The following FUT8 variants were observed in gnomAD, a reference collection of about 807,000 sequenced individuals.
The protein encoded by FUT8 is alpha-(1,6)-fucosyltransferase.
Under a neutral mutation model 71.3 loss-of-function variants are expected in FUT8, and 29 were observed. The ratio of observed to expected loss-of-function variants is 0.41; its 90% CI spans 0.30 to 0.55. The LOEUF (loss-of-function observed/expected upper bound fraction) is 0.55. Among genes scored for constraint, FUT8 ranks in the 20% least tolerant of loss-of-function variants. FUT8 has a pLI of 0.34. For missense variants in FUT8, 544 were observed against 702.1 expected, an observed-to-expected ratio of 0.77 and a Z score of 2.55; for synonymous variants, 254 against 239.3, an observed-to-expected ratio of 1.06 and a Z score of -0.57.
the FUT8 span, among the ~76,000 whole-genome samples, chr14:65,392,733 T>G: frequency 6.6e-6 from 1 of 152,190 alleles, no homozygotes; most frequent in Admixed American, 6.5e-5. Context: ...AATGGCAGTG[T>G]TTTTGGTGGA....
At chr14:65,739,282 G>A (rs1414194948) in intron 10 of FUT8, among the ~76,000 whole-genome samples, 1 of 151,936 alleles carries the variant, frequency 6.6e-6, no homozygotes, top group Non-Finnish European at 1.5e-5. Context: ...GTGTAGCACT[G>A]GTATGCTTGC....
intron 1 of FUT8, among the ~76,000 whole-genome samples, chr14:65,426,416 T>C (rs1380993425): frequency 6.6e-6 from 1 of 152,100 alleles, no homozygotes; most frequent in African/African-American, 2.4e-5. Flanking sequence ...ATACAAGTTT[T>C]ATGTGGCACA....
At chr14:65,511,435 C>G (rs545215881) in intron 2 of FUT8, among the ~76,000 whole-genome samples, 23 of 152,040 alleles carry the variant, frequency 1.5e-4, no homozygotes, top group African/African-American at 5.5e-4. Context: ...TCCGTTTGGT[C>G]TATTTCTTTG....
intron 2 of FUT8, among the ~76,000 whole-genome samples, chr14:65,553,859 GT>G (rs1176705620): frequency 2.7e-5 from 4 of 150,504 alleles, no homozygotes; most frequent in Non-Finnish European, 5.9e-5. Flanking sequence ...CTTTCAGTTT[GT>G]TTTTTAGCAG....
At chr14:65,565,763 A>T (rs1886161189) in intron 3 of FUT8, among the ~76,000 whole-genome samples, 1 of 151,810 alleles carries the variant, frequency 6.6e-6, no homozygotes, top group African/African-American at 2.4e-5. Context: ...AATGAATGAT[A>T]TTGGCCATTT....
intron 5 of FUT8, among the ~76,000 whole-genome samples, chr14:65,621,377 G>A (rs764606488): frequency 1.3e-5 from 2 of 151,732 alleles, no homozygotes; most frequent in African/African-American, 4.9e-5. Flanking sequence ...AGCCTCCTGA[G>A]TATCTGGAAC....
chr14:65,376,101 A>AAAT, the FUT8 span, among the ~76,000 whole-genome samples: 46 of 151,914 alleles, frequency 3.0e-4, no homozygotes, highest in Non-Finnish European at 6.2e-4. Flanking sequence ...AAAAAAAAAA[A>AAAT]AATAATAAAA....
At chr14:65,668,217 G>A (rs186371636) in intron 6 of FUT8, among the ~76,000 whole-genome samples, 111 of 152,144 alleles carry the variant, frequency 7.3e-4, no homozygotes, top group Admixed American at 1.7e-3. Context: ...ACAAAAATTG[G>A]CAAACAGAAC....
At chr14:65,681,114 C>T (rs1029973646) in intron 7 of FUT8, among the ~76,000 whole-genome samples, 7 of 152,180 alleles carry the variant, frequency 4.6e-5, no homozygotes, top group African/African-American at 2.4e-5. Context: ...TGTATTTAAA[C>T]AGTTCATGTT....
chr14:65,665,772 C>T (rs1292647937), intron 6 of FUT8, among the ~76,000 whole-genome samples: 1 of 152,072 alleles, frequency 6.6e-6, no homozygotes, highest in Non-Finnish European at 1.5e-5. Flanking sequence ...ATGAGGTCAT[C>T]TCCTTTGCAG....
At position 65,669,405 on chromosome 14, in the gene FUT8, G is replaced by A; in HGVS notation, c.760G>A (p.Gly254Arg). 2 of 1,613,736 alleles carry A rather than the reference G, an allele frequency of 1.2e-6. No individual in the cohort carries two copies. Among genetic ancestry groups the A allele is most frequent in the Non-Finnish European group, 1.7e-6 (2 of 1,179,810 alleles). Residue 254 changes from glycine (G) to arginine (R), a missense_variant, in exon 7 of 11, where the codon GGA (glycine) becomes AGA (arginine). Coordinates refer to ENST00000673929, the MANE Select transcript of FUT8 (RefSeq NM_001371533.1). The surrounding 1 kb of genome is among the most constrained non-coding windows in gnomAD (Gnocchi z 4.5). ...ESQNWRYATG[G>R]WETVFRPVSE... ...TCAGAATTGGCGCTATGCTACTGGT[G>A]GATGGGAGACTGTATTTAGGCCTGT...
At chr14:65,614,060 G>A (rs541580078) in intron 3 of FUT8, among the ~76,000 whole-genome samples, 2 of 148,396 alleles carry the variant, frequency 1.3e-5, no homozygotes, top group Admixed American at 6.8e-5. Context: ...GTTGTGGCAA[G>A]CCAAGATCCC....
At chr14:65,636,424 G>GGT (rs1186040614) in intron 6 of FUT8, 2 of 151,896 alleles carry the variant, frequency 1.3e-5, no homozygotes, top group African/African-American at 4.8e-5. Flanking sequence ...AGTTCCTTGA[G>GGT]GTGTGACCTC....
intron 6 of FUT8, among the ~76,000 whole-genome samples, chr14:65,663,635 G>A (rs2140356047): frequency 6.6e-6 from 1 of 152,054 alleles, no homozygotes; most frequent in Non-Finnish European, 1.5e-5. Flanking sequence ...TACCTTATAT[G>A]TATAGACCTT....
chr14:65,635,127 A>C (rs932922911), intron 6 of FUT8, among the ~76,000 whole-genome samples: 1 of 151,894 alleles, frequency 6.6e-6, no homozygotes, highest in Non-Finnish European at 1.5e-5. Flanking sequence ...GAGTTCTTGA[A>C]TTGAGTCTCT....
At chr14:65,634,047 C>A (rs894686985) in intron 6 of FUT8, among the ~76,000 whole-genome samples, 2 of 151,908 alleles carry the variant, frequency 1.3e-5, no homozygotes, top group Non-Finnish European at 2.9e-5. Flanking sequence ...CCGGCCACCA[C>A]CCGGTCTGGG....
chr14:65,666,890 G>A (rs58227678), intron 6 of FUT8, among the ~76,000 whole-genome samples: 20,174 of 152,110 alleles, frequency 0.13, 1,715 homozygotes, highest in East Asian at 0.38. Flanking sequence ...CCATAAATGT[G>A]ATTCATCACA....
intron 7 of FUT8, among the ~76,000 whole-genome samples, chr14:65,693,729 C>T (rs1021944757): frequency 6.6e-6 from 1 of 152,144 alleles, no homozygotes; most frequent in Non-Finnish European, 1.5e-5. Context: ...AGGATTCCTT[C>T]TGTTTCTATT....
intron 10 of FUT8, among the ~76,000 whole-genome samples, chr14:65,740,997 T>C (rs771065542): frequency 6.6e-6 from 1 of 152,068 alleles, no homozygotes; most frequent in Non-Finnish European, 1.5e-5. Context: ...TGCAAAACTA[T>C]TGGTATAGTG....
Sources: gnomAD v4.1 joint callset for allele counts (sites outside exome capture counted in the v4.1 genomes callset) on GRCh38, gnomAD v4.1.1 for gene constraint, Gnocchi (gnomAD v3.1) non-coding constraint, MANE v1.5 for transcripts, NCBI Gene and HGNC (gene_info 2026-07-23, HGNC 2026-07-21) for gene names.